The following COL27A1 variants were observed in gnomAD, a reference collection of about 807,000 sequenced individuals.
The protein encoded by COL27A1 is collagen type XXVII alpha 1 chain.
Under a neutral mutation model 251.3 loss-of-function variants are expected in COL27A1, and 106 were observed. The ratio of observed to expected loss-of-function variants is 0.42; its 90% CI spans 0.36 to 0.50. The LOEUF (loss-of-function observed/expected upper bound fraction) is 0.50, where lower values mean the gene tolerates loss of function less well. COL27A1 is among the 20% of genes least tolerant of loss of function. The pLI is 0.00. For synonymous variants in COL27A1, 1,000 were observed against 986.3 expected, an observed-to-expected ratio of 1.01 and a Z score of -0.26; for missense variants, 2,325 against 2,522.8, an observed-to-expected ratio of 0.92 and a Z score of 1.68.
At chr9:114,304,554 G>T in intron 56 of COL27A1, 54 bp from the exon 57 acceptor site, 2 of 1,546,774 alleles carry the variant, frequency 1.3e-6, no homozygotes, top group Non-Finnish European at 1.8e-6. Context: ...CCACTTGATG[G>T]GTGTGGAGAA....
chr9:114,178,939 A>G (rs1298343218), intron 4 of COL27A1, among the ~76,000 whole-genome samples: 1 of 152,110 alleles, frequency 6.6e-6, no homozygotes, highest in Non-Finnish European at 1.5e-5. Flanking sequence ...TTCCCATGGG[A>G]CAGTGAGATC....
chr9:114,265,833 T>A (rs1834705150), intron 32 of COL27A1, among the ~76,000 whole-genome samples: 1 of 151,660 alleles, frequency 6.6e-6, no homozygotes, highest in South Asian at 2.1e-4. Context: ...AACTGCAGAG[T>A]CCAGCATGGC....
chr9:114,191,394 A>C (rs1041138744), intron 5 of COL27A1, among the ~76,000 whole-genome samples: 19 of 152,056 alleles, frequency 1.2e-4, no homozygotes, highest in African/African-American at 3.6e-4. Flanking sequence ...TGCATTAACT[A>C]ATTTTCCTAA....
rs1348713708 is a variant in COL27A1 at position 114,312,414 on chromosome 9, T to A, written c.*1719T>A. The A allele has an allele frequency of 6.6e-6, 1 of 152,188 alleles. No homozygotes were observed. The highest frequency in any genetic ancestry group is 1.5e-5 in the Non-Finnish European group (1 of 68,044). The allele number at this position is 152,188 out of a possible 1,614,324, so 9.4% of individuals were successfully genotyped here. A position where few individuals can be genotyped will look rare whatever the true frequency, so the allele number is the denominator to read the frequency against. The stretch of plus-strand genomic sequence containing the variant: ...GGTTTTCCTGCTGTCTTCGTTTACG[T>A]CTCTGTCCACATGTCAGTGTATTAA... On this transcript the variant is annotated 3_prime_UTR_variant, in exon 61 of 61. Transcript: ENST00000356083.
intron 5 of COL27A1, among the ~76,000 whole-genome samples, chr9:114,193,182 AG>A (rs749689756): frequency 6.6e-5 from 10 of 152,146 alleles, no homozygotes; most frequent in Middle Eastern, 3.2e-3. Context: ...AAGGTGGGAT[AG>A]GAATGGGGAC....
intron 55 of COL27A1, 30 bp downstream of exon 55, chr9:114,301,747 G>A (rs1372704629): frequency 6.2e-7 from 1 of 1,605,912 alleles, no homozygotes; most frequent in Non-Finnish European, 8.5e-7. Context: ...GTGCATCTTG[G>A]ACTCCTGGGG....
intron 14 of COL27A1, among the ~76,000 whole-genome samples, chr9:114,223,463 G>C (rs1831253277): frequency 6.6e-6 from 1 of 152,168 alleles, no homozygotes; most frequent in Non-Finnish European, 1.5e-5. Context: ...AGGTGAGTGG[G>C]AGCAGAACCT....
chr9:114,306,859 C>T (rs573697340), intron 58 of COL27A1, among the ~76,000 whole-genome samples, 171 bp downstream of exon 58: 49 of 152,284 alleles, frequency 3.2e-4, no homozygotes, highest in African/African-American at 1.1e-3. Flanking sequence ...TACCAAGATC[C>T]GCATGCTGGG....
At chr9:114,237,814 TCA>T in intron 19 of COL27A1, 99 bp downstream of exon 19, 1 of 938,438 alleles carries the variant, frequency 1.1e-6, no homozygotes, top group South Asian at 1.3e-5. Context: ...TTGCTTTAGG[TCA>T]CACAGGATAT....
intron 32 of COL27A1, among the ~76,000 whole-genome samples, chr9:114,266,263 G>A (rs940967002): frequency 8.5e-5 from 13 of 152,104 alleles, no homozygotes; most frequent in Admixed American, 5.2e-4. Context: ...GTGGAAGAGC[G>A]TTCCAGGCAG....
At chr9:114,279,089 T>G (rs1835750087) in intron 37 of COL27A1, among the ~76,000 whole-genome samples, 1 of 152,190 alleles carries the variant, frequency 6.6e-6, no homozygotes, top group Non-Finnish European at 1.5e-5. Flanking sequence ...TCATCTCGCC[T>G]TCTGCAAGGG....
intron 41 of COL27A1, among the ~76,000 whole-genome samples, chr9:114,288,073 C>T (rs1827637969): frequency 6.6e-6 from 1 of 152,148 alleles, no homozygotes. Flanking sequence ...GTCCCCTTCA[C>T]CCCACCCCAC....
intron 19 of COL27A1, among the ~76,000 whole-genome samples, chr9:114,239,201 A>G (rs1832595133): frequency 6.6e-6 from 1 of 152,256 alleles, no homozygotes; most frequent in South Asian, 2.1e-4. Context: ...TCTCTCACTC[A>G]TCAGTGGGTT....
At chr9:114,175,999 G>A (rs929528678) in intron 3 of COL27A1, among the ~76,000 whole-genome samples, 4 of 152,192 alleles carry the variant, frequency 2.6e-5, no homozygotes, top group African/African-American at 9.6e-5. Flanking sequence ...ACTTACTCAA[G>A]GCCATATACC....
intron 1 of COL27A1, among the ~76,000 whole-genome samples, chr9:114,159,417 A>G (rs914669488): frequency 3.9e-5 from 6 of 152,094 alleles, no homozygotes; most frequent in African/African-American, 1.4e-4. Flanking sequence ...GAAGTTTGGT[A>G]TGTGACATAA....
intron 1 of COL27A1, among the ~76,000 whole-genome samples, chr9:114,159,675 G>A (rs1196973563): frequency 2.0e-5 from 3 of 152,176 alleles, no homozygotes; most frequent in Non-Finnish European, 4.4e-5. Flanking sequence ...GTGCTTTCCG[G>A]ATTGTCAAGA....
intron 31 of COL27A1, 108 bp from the exon 32 acceptor site, chr9:114,265,314 C>T (rs1564544875): frequency 8.1e-6 from 10 of 1,231,780 alleles, no homozygotes; most frequent in Non-Finnish European, 1.0e-5. Flanking sequence ...ATCTGTCACC[C>T]GGTGTGGGAG....
intron 5 of COL27A1, among the ~76,000 whole-genome samples, chr9:114,185,134 C>T (rs1399798010): frequency 6.6e-6 from 1 of 152,182 alleles, no homozygotes; most frequent in African/African-American, 2.4e-5. Flanking sequence ...AGCTGTTTCT[C>T]CTCGCATTTT....
At chr9:114,191,357 C>T (rs1828735262) in intron 5 of COL27A1, among the ~76,000 whole-genome samples, 1 of 152,008 alleles carries the variant, frequency 6.6e-6, no homozygotes. Flanking sequence ...CACCTATCAA[C>T]CCGTCACCTA....
Sources: gnomAD v4.1 joint callset for allele counts (sites outside exome capture counted in the v4.1 genomes callset) on GRCh38, gnomAD v4.1.1 for gene constraint, MANE v1.5 for transcripts, NCBI Gene and HGNC (gene_info 2026-07-23, HGNC 2026-07-21) for gene names.